PLCL2: variants seen among roughly 807,000 people sequenced by gnomAD.
The protein encoded by PLCL2 is inactive phospholipase C-like protein 2.
In PLCL2, 4 loss-of-function variants were observed where a neutral mutation model predicts 79.6. The ratio of observed to expected loss-of-function variants is 0.05; its 90% confidence interval spans 0.02 to 0.11. The LOEUF (loss-of-function observed/expected upper bound fraction) is 0.11. Ranked by LOEUF, PLCL2 falls within the 10% of genes least tolerant of loss-of-function variation. The probability of loss-of-function intolerance (pLI) is 1.00; values close to 1 mark genes in which losing one functional copy is unlikely to be tolerated. For missense variants in PLCL2, 895 were observed against 1,291.0 expected (o/e 0.69, Z 4.70); for synonymous variants, 484 against 457.7 (o/e 1.06, Z -0.73).
At chr3:17,003,478 G>T (rs1179809895) in intron 1 of PLCL2, among the ~76,000 whole-genome samples, 1 of 152,182 alleles carries the variant, frequency 6.6e-6, no homozygotes, top group African/African-American at 2.4e-5. Flanking sequence ...GAATGCCTGT[G>T]TCAGAAAGGG....
intron 2 of PLCL2, among the ~76,000 whole-genome samples, chr3:17,013,406 T>C (rs1000643523): frequency 5.3e-5 from 8 of 152,122 alleles, no homozygotes; most frequent in African/African-American, 7.2e-5. Flanking sequence ...TGCATGCTAG[T>C]TGGGGGCAGG....
At chr3:16,916,450 G>A (rs1696997581) in intron 1 of PLCL2, among the ~76,000 whole-genome samples, 1 of 152,180 alleles carries the variant, frequency 6.6e-6, no homozygotes, top group African/African-American at 2.4e-5. Flanking sequence ...GGTCAGGTGG[G>A]AAGTAGCTTC....
At chr3:16,974,737 T>C (rs986082673) in intron 1 of PLCL2, among the ~76,000 whole-genome samples, 3 of 152,236 alleles carry the variant, frequency 2.0e-5, no homozygotes, top group Non-Finnish European at 2.9e-5. Context: ...CATGATTATC[T>C]TTCTGTGCCA....
intron 4 of PLCL2, among the ~76,000 whole-genome samples, chr3:17,067,703 A>G (rs2065023675): frequency 6.6e-6 from 1 of 152,086 alleles, no homozygotes; most frequent in East Asian, 1.9e-4. Context: ...TAAGAATAAC[A>G]ATGATCATAG....
chr3:16,889,890 GA>G (rs1206565373), intron 1 of PLCL2, among the ~76,000 whole-genome samples: 2 of 151,974 alleles, frequency 1.3e-5, no homozygotes, highest in Non-Finnish European at 2.9e-5. Flanking sequence ...TTGAATGGGG[GA>G]AACAAAGATA....
In PLCL2 at chr3:17,089,934, A is replaced by G. The variant is rs747572776; in HGVS notation, c.*22A>G. The G allele has an allele frequency of 1.9e-5, 30 of 1,606,688 alleles. No homozygotes were observed. In the East Asian group the frequency reaches 6.2e-4, roughly 33 times the overall value. On this transcript the variant is annotated 3_prime_UTR_variant, in exon 6 of 6. Transcript: ENST00000615277. Reference sequence around the variant, plus strand: ...ATGAGGAAACTTACAATAAACCATTATGGAGTTTATAACTCTAGGACCAAT... The same window carrying G: ...ATGAGGAAACTTACAATAAACCATTGTGGAGTTTATAACTCTAGGACCAAT...
In PLCL2 at chr3:17,011,471, C is replaced by T. The variant is rs2064321416; in HGVS notation, c.2125C>T (p.Leu709=). 4 of 1,614,136 alleles carry T rather than the reference C, an allele frequency of 2.5e-6. No homozygotes were observed. The South Asian group carries it at 4.4e-5, about 18-fold the overall frequency. The part of the protein sequence containing the change: ...IVAMNFQTPG[L]MMDLNIGWFR... ...AGCCATGAACTTTCAGACACCAGGA[C>T]TGATGATGGACCTGAATATTGGCTG... The change falls in exon 2 of 6, where the codon CTG becomes TTG. Residue 709 remains leucine (L), a synonymous_variant. Coordinates refer to ENST00000615277, the MANE Select transcript of PLCL2 (RefSeq NM_001144382.2). This position sits in a 1 kb window ranked among gnomAD's most constrained non-coding sequence, Gnocchi z 7.9.
At chr3:17,013,419 G>T (rs2064349530) in intron 2 of PLCL2, among the ~76,000 whole-genome samples, 1 of 152,218 alleles carries the variant, frequency 6.6e-6, no homozygotes, top group South Asian at 2.1e-4. Flanking sequence ...GGGGCAGGCA[G>T]TGGGAAGGGG....
chr3:17,034,089 G>A (rs1248142664), intron 3 of PLCL2, among the ~76,000 whole-genome samples: 2 of 152,172 alleles, frequency 1.3e-5, no homozygotes, highest in Admixed American at 1.3e-4. Context: ...TTGATTCCCA[G>A]CTGGGGCCAC....
intron 4 of PLCL2, among the ~76,000 whole-genome samples, chr3:17,051,788 C>T (rs1302192028): frequency 6.6e-6 from 1 of 152,180 alleles, no homozygotes; most frequent in Admixed American, 6.6e-5. Context: ...ATATTAGTTT[C>T]ATGATGCTTT....
intron 1 of PLCL2, among the ~76,000 whole-genome samples, chr3:16,998,388 C>A (rs890795449): frequency 6.6e-6 from 1 of 152,154 alleles, no homozygotes; most frequent in Non-Finnish European, 1.5e-5. Flanking sequence ...ATAACTACAT[C>A]TTTAAATAGC....
intron 1 of PLCL2, among the ~76,000 whole-genome samples, chr3:17,007,534 C>T (rs1349871271): frequency 6.6e-6 from 1 of 151,976 alleles, no homozygotes; most frequent in Non-Finnish European, 1.5e-5. Context: ...AATATTCTAC[C>T]TTGTGGCTTT....
At chr3:16,928,794 A>C (rs1055665521) in intron 1 of PLCL2, among the ~76,000 whole-genome samples, 1 of 152,244 alleles carries the variant, frequency 6.6e-6, no homozygotes, top group Non-Finnish European at 1.5e-5. Context: ...TTGGCATATA[A>C]GAAATGCTTA....
intron 1 of PLCL2, among the ~76,000 whole-genome samples, chr3:16,893,845 G>A (rs372662395): frequency 6.6e-6 from 1 of 152,118 alleles, no homozygotes; most frequent in Non-Finnish European, 1.5e-5. Flanking sequence ...TTTATAAATC[G>A]TAAAGATTAA....
intron 3 of PLCL2, among the ~76,000 whole-genome samples, chr3:17,028,479 T>C (rs2064542637): frequency 6.9e-6 from 1 of 144,646 alleles, no homozygotes; most frequent in Non-Finnish European, 1.5e-5. Context: ...TCCTTTTTTT[T>C]TTCTTTTTTT....
rs1439877825 is a variant in PLCL2 at position 17,023,474 on chromosome 3, T to C, written c.3018+8563T>C. Among the ~76,000 whole-genome samples the C allele has an allele frequency of 2.0e-5, 3 of 152,208 alleles. No homozygotes were observed. The East Asian group carries it at 5.8e-4, about 29-fold the overall frequency. On this transcript the variant is annotated intron_variant, in intron 3 of 5. Transcript: ENST00000615277. ...AGTCTTTCCTGTGCTATTCTTGTGA[T>C]AGTGAATAAGTCTCATGAAACCTGA...
chr3:17,011,825 G>T lies in PLCL2; in HGVS notation c.2479G>T (p.Val827Leu). Residue 827 changes from valine to leucine, a missense_variant, in exon 2 of 6, where the codon GTG becomes TTG. Physicochemically the swap from Val to Leu is conservative, Grantham distance 32. Transcript: ENST00000615277. This position sits in a 1 kb window ranked among gnomAD's most constrained non-coding sequence, Gnocchi z 7.9. ...FQINLPELAM[V>L]RFVVLDDDYI... ...AATCAACCTGCCTGAACTGGCCATG[G>T]TGCGCTTTGTAGTGCTGGATGATGA... 6.2e-7 allele frequency: 1 copy of T among 1,614,216 alleles called. No individual in the cohort carries two copies. The highest frequency in any genetic ancestry group is 8.5e-7 in the Non-Finnish European group (1 of 1,180,024).
chr3:16,901,861 C>T (rs1435425594), intron 1 of PLCL2, among the ~76,000 whole-genome samples: 1 of 152,204 alleles, frequency 6.6e-6, no homozygotes, highest in Admixed American at 6.5e-5. Flanking sequence ...ATTTGCTTTC[C>T]TTCCATTCAC....
intron 1 of PLCL2, among the ~76,000 whole-genome samples, chr3:16,950,573 CTT>C (rs376769269): frequency 1.4e-5 from 2 of 141,376 alleles, no homozygotes. Flanking sequence ...TTTTATTTTG[CTT>C]TTTTTTTTTC....
Sources: gnomAD v4.1 joint callset for allele counts (sites outside exome capture counted in the v4.1 genomes callset) on GRCh38, gnomAD v4.1.1 for gene constraint, Gnocchi (gnomAD v3.1) non-coding constraint, MANE v1.5 for transcripts, NCBI Gene and HGNC (gene_info 2026-07-23, HGNC 2026-07-21) for gene names.